Variants in RBFOX3 observed in about 807,000 individuals in gnomAD.
RBFOX3 encodes RNA binding fox-1 homolog 3, also known as RNA binding protein fox-1 homolog 3.
A neutral mutation model predicts 48.7 loss-of-function variants in RBFOX3; 17 were observed. The observed-to-expected ratio is 0.35, with a 90% CI of 0.24 to 0.52. RBFOX3 has a LOEUF of 0.52. Among genes scored for constraint, RBFOX3 ranks in the 20% least tolerant of loss-of-function variants. The pLI, the probability that RBFOX3 is intolerant of heterozygous loss-of-function variation, is 0.94. For synonymous variants in RBFOX3, 212 were observed against 209.5 expected (o/e 1.01, Z -0.10); for missense variants, 382 against 497.5 (o/e 0.77, Z 2.21).
intron 2 of RBFOX3, among the ~76,000 whole-genome samples, chr17:79,448,623 G>A (rs1555739686): frequency 6.6e-6 from 1 of 152,190 alleles, no homozygotes; most frequent in Non-Finnish European, 1.5e-5. Flanking sequence ...TTGATTTCAG[G>A]CTTGTGGCCT....
chr17:79,408,223 G>A (rs1350282181), intron 2 of RBFOX3, among the ~76,000 whole-genome samples: 3 of 152,178 alleles, frequency 2.0e-5, no homozygotes, highest in Non-Finnish European at 2.9e-5. Context: ...CGATGGCTGG[G>A]TCTGCAGGGG....
chr17:79,435,432 C>T (rs1028335893), intron 2 of RBFOX3, among the ~76,000 whole-genome samples: 24 of 152,236 alleles, frequency 1.6e-4, no homozygotes, highest in Admixed American at 1.3e-3. Flanking sequence ...GGCTTGTCCC[C>T]ATGCAGGATC....
At chr17:79,300,334 A>G (rs1487515373) in intron 3 of RBFOX3, among the ~76,000 whole-genome samples, 4 of 152,322 alleles carry the variant, frequency 2.6e-5, no homozygotes, top group East Asian at 1.9e-4. Flanking sequence ...CAAGCACTCA[A>G]TATTGCCCTG....
At position 79,238,100 on chromosome 17, in the gene RBFOX3, C is replaced by T. The variant is rs111698665; in HGVS notation, c.-73-2295G>A. ...TACAGGCATGTGCCACCACACCTGG[C>T]TAATTTTTGTATTTTTGGTAGAGAT... On this transcript the variant is annotated intron_variant, in intron 3 of 14. Coordinates refer to ENST00000693108, the MANE Select transcript of RBFOX3 (RefSeq NM_001350451.2). Among the ~76,000 whole-genome samples the T allele has an allele frequency of 3.5e-3, 529 of 152,288 alleles. 2 individuals carry two copies. Among genetic ancestry groups the T allele is most frequent in the African/African-American group, 0.012 (510 of 41,546 alleles).
intron 4 of RBFOX3, among the ~76,000 whole-genome samples, chr17:79,162,753 G>T (rs573589949): frequency 6.6e-6 from 1 of 152,134 alleles, no homozygotes; most frequent in Non-Finnish European, 1.5e-5. Flanking sequence ...TGGTGTGGGC[G>T]GGCGGGGGTC....
chr17:79,232,174 C>T (rs1478875122), intron 4 of RBFOX3, among the ~76,000 whole-genome samples: 7 of 152,164 alleles, frequency 4.6e-5, no homozygotes, highest in Non-Finnish European at 8.8e-5. Context: ...GATTACAATT[C>T]GAGGTGAGAT....
chr17:79,456,401 C>T (rs1189044159), intron 2 of RBFOX3, among the ~76,000 whole-genome samples: 5 of 151,976 alleles, frequency 3.3e-5, no homozygotes, highest in Non-Finnish European at 5.9e-5. Flanking sequence ...ATCCCTGGGT[C>T]CCCACCCACT....
intron 3 of RBFOX3, among the ~76,000 whole-genome samples, chr17:79,240,161 G>C (rs1427799048): frequency 6.6e-6 from 1 of 152,208 alleles, no homozygotes; most frequent in Non-Finnish European, 1.5e-5. Context: ...AACCCTAGCT[G>C]TCTTCTGTCC....
At chr17:79,201,651 G>A (rs1244954503) in intron 4 of RBFOX3, among the ~76,000 whole-genome samples, 3 of 152,194 alleles carry the variant, frequency 2.0e-5, no homozygotes, top group South Asian at 4.1e-4. Flanking sequence ...GCTTCTGACA[G>A]GTGTATCACA....
chr17:79,159,882 G>A (rs2046606090), intron 4 of RBFOX3, among the ~76,000 whole-genome samples: 1 of 152,234 alleles, frequency 6.6e-6, no homozygotes, highest in South Asian at 2.1e-4. Flanking sequence ...GCTGCAAAAC[G>A]GCTCAGAGGC....
At chr17:79,540,687 G>A (rs1404989770) in intron 1 of RBFOX3, among the ~76,000 whole-genome samples, 3 of 152,238 alleles carry the variant, frequency 2.0e-5, no homozygotes, top group Admixed American at 6.5e-5. Context: ...AGCTACACTC[G>A]GGCCTGGAGC....
At chr17:79,308,261 G>A (rs978140485) in intron 2 of RBFOX3, among the ~76,000 whole-genome samples, 3 of 151,634 alleles carry the variant, frequency 2.0e-5, no homozygotes, top group South Asian at 2.2e-4. Context: ...GCTCCTGGGC[G>A]CTGGGCTGCA....
chr17:79,122,408 C>T (rs1202039944), intron 4 of RBFOX3, among the ~76,000 whole-genome samples: 2 of 152,110 alleles, frequency 1.3e-5, no homozygotes, highest in Admixed American at 6.5e-5. Flanking sequence ...GTTCCTTGAA[C>T]GTCTAGCTGC....
intron 2 of RBFOX3, among the ~76,000 whole-genome samples, chr17:79,447,352 C>A (rs1484748340): frequency 6.6e-6 from 1 of 152,212 alleles, no homozygotes; most frequent in African/African-American, 2.4e-5. Flanking sequence ...AGCCACCTCA[C>A]TGCACAAATG....
Position 79,514,949 on chromosome 17 carries a change from G to A in RBFOX3, c.-319-32351C>T, listed in dbSNP as rs1010638568. 3.9e-4 allele frequency among the ~76,000 whole-genome samples: 59 copies of A among 152,244 alleles called. 1 individual carries two copies. The highest frequency in any genetic ancestry group is 1.0e-3 in the African/African-American group (43 of 41,522). On this transcript the variant is annotated intron_variant, in intron 1 of 14. Transcript: ENST00000693108. ...ACCAGACAGGAGGCTGGGGCTCGGC[G>A]CTGCCCCATTCCTAATCCCCACTTC...
intron 1 of RBFOX3, among the ~76,000 whole-genome samples, chr17:79,489,975 AAC>A (rs1424956913): frequency 6.6e-6 from 1 of 152,222 alleles, no homozygotes; most frequent in African/African-American, 2.4e-5. Context: ...CCAAGAGAAA[AAC>A]AACACAGAGC....
chr17:79,192,888 T>A (rs2054807819), intron 4 of RBFOX3, among the ~76,000 whole-genome samples: 1 of 152,198 alleles, frequency 6.6e-6, no homozygotes, highest in Non-Finnish European at 1.5e-5. Context: ...ACACTCTCAC[T>A]GGCTCTGTCT....
chr17:79,371,691 C>T (rs970064389), intron 2 of RBFOX3, among the ~76,000 whole-genome samples: 1 of 152,182 alleles, frequency 6.6e-6, no homozygotes, highest in Non-Finnish European at 1.5e-5. Context: ...AGCCCTCACG[C>T]TCTTTCCTCT....
intron 4 of RBFOX3, among the ~76,000 whole-genome samples, chr17:79,175,121 A>G (rs915773963): frequency 6.6e-6 from 1 of 152,110 alleles, no homozygotes; most frequent in Non-Finnish European, 1.5e-5. Context: ...CACCCACATG[A>G]TAACTCCGCC....
Sources: gnomAD v4.1 joint callset for allele counts (sites outside exome capture counted in the v4.1 genomes callset) on GRCh38, gnomAD v4.1.1 for gene constraint, MANE v1.5 for transcripts, NCBI Gene and HGNC (gene_info 2026-07-23, HGNC 2026-07-21) for gene names.